Variants in TSPAN15 observed in about 807,000 individuals in gnomAD.
The protein encoded by TSPAN15 is tetraspanin 15, also known as tetraspanin-15.
A neutral mutation model predicts 34.5 loss-of-function variants in TSPAN15; 20 were observed. The observed-to-expected ratio is 0.58, with a 90% CI of 0.41 to 0.84. The LOEUF is 0.84. TSPAN15 is among the 40% of genes least tolerant of loss of function. TSPAN15 has a pLI of 0.00. For synonymous variants in TSPAN15, 155 were observed against 153.9 expected (o/e 1.01, Z -0.05); for missense variants, 313 against 386.1 (o/e 0.81, Z 1.59).
At chr10:69,517,306 A>G in the TSPAN15 span, among the ~76,000 whole-genome samples, 1 of 152,148 alleles carries the variant, frequency 6.6e-6, no homozygotes, top group Non-Finnish European at 1.5e-5. Context: ...TATCCACATC[A>G]ACTTGAGAAG....
chr10:69,509,805 T>C (rs1362199342), downstream of TSPAN15, among the ~76,000 whole-genome samples: 1 of 152,244 alleles, frequency 6.6e-6, no homozygotes, highest in African/African-American at 2.4e-5. Context: ...TGTATATGGC[T>C]AGCCAGTTTT....
At chr10:69,479,891 T>C (rs1841696483) in intron 1 of TSPAN15, among the ~76,000 whole-genome samples, 1 of 152,176 alleles carries the variant, frequency 6.6e-6, no homozygotes, top group Admixed American at 6.5e-5. Flanking sequence ...CTCCTTCTGC[T>C]AGACCAGGAG....
chr10:69,538,460 C>T, the TSPAN15 span, among the ~76,000 whole-genome samples: 29,606 of 152,148 alleles, frequency 0.19, 3,133 homozygotes, highest in East Asian at 0.29. Flanking sequence ...GGAGCAAGAC[C>T]CCTGGGTGTG....
At position 69,506,930 on chromosome 10, in the gene TSPAN15, C is replaced by T. The variant is rs931213627; in HGVS notation, c.837C>T (p.Pro279=). The change falls in exon 8 of 8, where the codon CCC becomes CCT. Residue 279 remains proline, a synonymous_variant. Transcript: ENST00000373290. The surrounding 1 kb of genome is among the most constrained non-coding windows in gnomAD (Gnocchi z 4.7). Reference sequence around the variant, plus strand: ...GGCTCCTGGGGCCCGGTGCCAAGCCCAGCGTGGAGGCGGCAGGCACGGGAT... The same window carrying T: ...GGCTCCTGGGGCCCGGTGCCAAGCCTAGCGTGGAGGCGGCAGGCACGGGAT... ...TDGLLGPGAK[P]SVEAAGTGCC... 34 of 1,609,964 alleles carry T rather than the reference C, an allele frequency of 2.1e-5. No individual in the cohort carries two copies. Among genetic ancestry groups the T allele is most frequent in the African/African-American group, 5.3e-5 (4 of 74,906 alleles).
At chr10:69,531,425 C>T in the TSPAN15 span, among the ~76,000 whole-genome samples, 4 of 152,148 alleles carry the variant, frequency 2.6e-5, no homozygotes, top group African/African-American at 7.2e-5. Flanking sequence ...ACGGCAAAAC[C>T]CCGTCTCTAC....
At chr10:69,519,957 C>T in the TSPAN15 span, among the ~76,000 whole-genome samples, 3 of 152,166 alleles carry the variant, frequency 2.0e-5, no homozygotes, top group Non-Finnish European at 2.9e-5. Flanking sequence ...GTCTTGAAGT[C>T]CCGAACTCAG....
intron 3 of TSPAN15, among the ~76,000 whole-genome samples, chr10:69,492,987 C>T (rs1284452762): frequency 6.6e-6 from 1 of 152,192 alleles, no homozygotes; most frequent in Non-Finnish European, 1.5e-5. Flanking sequence ...CTGGCGGCAC[C>T]CCATGAGTAC....
intron 3 of TSPAN15, 39 bp downstream of exon 3, chr10:69,485,254 G>T: frequency 6.3e-7 from 1 of 1,595,630 alleles, no homozygotes; most frequent in South Asian, 1.1e-5. Flanking sequence ...TGTGTGTATG[G>T]AGCACCCACT....
At chr10:69,530,818 CTCTATATATATA>C in the TSPAN15 span, among the ~76,000 whole-genome samples, 301 of 42,508 alleles carry the variant, frequency 7.1e-3, no homozygotes, top group Middle Eastern at 0.011. Flanking sequence ...CTCTCTCTCT[CTCTATATATATA>C]TATATATATA....
At chr10:69,537,890 C>G in the TSPAN15 span, among the ~76,000 whole-genome samples, 1 of 152,176 alleles carries the variant, frequency 6.6e-6, no homozygotes, top group African/African-American at 2.4e-5. Flanking sequence ...AACAAAATAC[C>G]ATAGGCTGGG....
Position 69,504,548 on chromosome 10 carries a change from C to T in TSPAN15, c.618+63C>T, listed in dbSNP as rs537045640. On this transcript the variant is annotated intron_variant, in intron 6 of 7. Transcript: ENST00000373290. ...TCTTCCTGGTCCACCCTGGGGTGAT[C>T]GGAGGGGTTTATTGAGGTCGGGGTC... is the stretch of plus-strand genomic sequence containing the variant. 10 of 1,562,694 alleles carry T rather than the reference C, an allele frequency of 6.4e-6. No homozygotes were observed. In the African/African-American group the frequency reaches 8.1e-5, roughly 13 times the overall value.
Position 69,500,407 on chromosome 10 carries a change from T to TA in TSPAN15, c.570+2012dup, listed in dbSNP as rs1428521044. ...CTCTGTTCAGCCAAGAACAGACTAA[T>TA]ACAGCAAGAGGAAAGAGAGGGATTG... is the stretch of plus-strand genomic sequence containing the variant. On this transcript the variant is annotated intron_variant, in intron 5 of 7. Transcript: ENST00000373290. Among the ~76,000 whole-genome samples the TA allele has an allele frequency of 3.9e-5, 6 of 152,158 alleles. No homozygotes were observed. In the East Asian group the frequency reaches 1.2e-3, roughly 29 times the overall value.
In TSPAN15 at chr10:69,506,323, G is replaced by A; in HGVS notation, c.735+83G>A. ...AGGTGCAGAGGGGAAGAGCGAAGAG[G>A]CTTTTTTCATAGAAGTCCAGGACTT... is the stretch of plus-strand genomic sequence containing the variant. On this transcript the variant is annotated intron_variant, in intron 7 of 7. Transcript: ENST00000373290. This position sits in a 1 kb window ranked among gnomAD's most constrained non-coding sequence, Gnocchi z 4.7. The A allele has an allele frequency of 1.5e-6, 2 of 1,371,044 alleles. No individual in the cohort carries two copies. The highest frequency in any genetic ancestry group is 1.2e-5 in the South Asian group (1 of 81,754). The allele number at this position is 1,371,044 out of a possible 1,614,324, so 84.9% of individuals were successfully genotyped here.
At chr10:69,503,308 C>T (rs1842248330) in intron 5 of TSPAN15, among the ~76,000 whole-genome samples, 1 of 152,204 alleles carries the variant, frequency 6.6e-6, no homozygotes, top group South Asian at 2.1e-4. Context: ...GACACCCTCC[C>T]TTTCCTTTGC....
Position 69,506,092 on chromosome 10 carries a change from C to A in TSPAN15, c.619-32C>A. The A allele has an allele frequency of 6.2e-7, 1 of 1,600,630 alleles. No homozygotes were observed. Among genetic ancestry groups the A allele is most frequent in the Non-Finnish European group, 8.6e-7 (1 of 1,168,842 alleles). ...TGTGGCTCCTGCCAGCCGAGGTCCT[C>A]TGCTGGGCTGACCCAGCTCCTTCCC... On this transcript the variant is annotated intron_variant, in intron 6 of 7. Transcript: ENST00000373290. The surrounding 1 kb of genome is among the most constrained non-coding windows in gnomAD (Gnocchi z 4.7).
the TSPAN15 span, among the ~76,000 whole-genome samples, chr10:69,512,773 C>T: frequency 6.6e-6 from 1 of 152,168 alleles, no homozygotes; most frequent in Non-Finnish European, 1.5e-5. Context: ...AAGTTCATTT[C>T]TTTTTATTGC....
chr10:69,488,638 G>A (rs10998833), intron 3 of TSPAN15, among the ~76,000 whole-genome samples: 4,483 of 152,274 alleles, frequency 0.029, 229 homozygotes, highest in African/African-American at 0.1. Context: ...TGGGGGTGAC[G>A]TCACATTATC....
the TSPAN15 span, among the ~76,000 whole-genome samples, chr10:69,548,631 A>C: frequency 6.6e-6 from 1 of 151,864 alleles, no homozygotes; most frequent in Non-Finnish European, 1.5e-5. Flanking sequence ...GGATACAAAG[A>C]AGAGAATTCA....
chr10:69,490,230 A>G lies in TSPAN15; in HGVS notation c.357+5015A>G, dbSNP rs145883323. On this transcript the variant is annotated intron_variant, in intron 3 of 7. Coordinates refer to ENST00000373290, the MANE Select transcript of TSPAN15 (RefSeq NM_012339.5). ...GAGGCAGGAGAAAGTAGGCAGCACC[A>G]TGGCTCTCTCGGCCAACACCTGAAT... Among the ~76,000 whole-genome samples the G allele has an allele frequency of 6.9e-3, 1,043 of 152,244 alleles. 2 individuals carry two copies. Among genetic ancestry groups the G allele is most frequent in the Middle Eastern group, 0.027 (8 of 294 alleles).
Sources: gnomAD v4.1 joint callset for allele counts (sites outside exome capture counted in the v4.1 genomes callset) on GRCh38, gnomAD v4.1.1 for gene constraint, Gnocchi (gnomAD v3.1) non-coding constraint, MANE v1.5 for transcripts, NCBI Gene and HGNC (gene_info 2026-07-23, HGNC 2026-07-21) for gene names.